The following SORD variants were observed in gnomAD, a reference collection of about 807,000 sequenced individuals.
The protein encoded by SORD is sorbitol dehydrogenase.
In SORD, 18 loss-of-function variants were observed where a neutral mutation model predicts 35.6. That is an observed-to-expected ratio of 0.51 (90% CI 0.35 to 0.75). SORD has a LOEUF of 0.75. Among genes scored for constraint, SORD ranks in the 30% least tolerant of loss-of-function variants. The pLI is 0.01. For synonymous variants in SORD, 106 were observed against 152.9 expected, an observed-to-expected ratio of 0.69 and a Z score of 2.26; for missense variants, 250 against 390.2, an observed-to-expected ratio of 0.64 and a Z score of 3.03.
chr15:45,060,848 A>G lies in SORD; in HGVS notation c.266-219A>G, dbSNP rs113674470. On this transcript the variant is annotated intron_variant, in intron 3 of 8. Coordinates refer to ENST00000267814, the MANE Select transcript of SORD (RefSeq NM_003104.6). ...CCAGAGTGACTCTGTGCTTCATCCCAAGTTTCCTCACTTGCCTAGGACACC... is the reference window on the plus strand; with the variant it reads ...CCAGAGTGACTCTGTGCTTCATCCCGAGTTTCCTCACTTGCCTAGGACACC... The G allele has an allele frequency of 4.6e-3, 4,149 of 902,860 alleles. 23 individuals carry two copies. Among genetic ancestry groups the G allele is most frequent in the African/African-American group, 0.03 (1,689 of 57,044 alleles). 55.9% of individuals were successfully genotyped at this position (902,860 alleles called of 1,614,324 possible).
At position 45,026,440 on chromosome 15, in the gene SORD, G is replaced by C. The variant is rs1205869723; in HGVS notation, c.66+3091G>C. On this transcript the variant is annotated intron_variant, in intron 1 of 8. Transcript: ENST00000267814. ...TACAAAAAAGATAAGAGGAAGTGGG[G>C]AGAATTTGACTGTTTTCTTCTTTTG... 3.3e-5 allele frequency among the ~76,000 whole-genome samples: 5 copies of C among 152,318 alleles called. No individual in the cohort carries two copies. The East Asian group carries it at 9.6e-4, about 29-fold the overall frequency.
chr15:45,056,142 C>T (rs1276322089), intron 3 of SORD, among the ~76,000 whole-genome samples: 1 of 149,896 alleles, frequency 6.7e-6, no homozygotes, highest in Non-Finnish European at 1.5e-5. Context: ...CTGGCCAGGG[C>T]AATTAGGCAG....
chr15:45,062,130 G>T (rs1273054308), intron 4 of SORD, among the ~76,000 whole-genome samples: 3 of 122,734 alleles, frequency 2.4e-5, no homozygotes, highest in Non-Finnish European at 4.5e-5. Flanking sequence ...CTAATAAGTG[G>T]TTTGCATGCT....
At chr15:45,031,634 A>C (rs1249650133) in intron 1 of SORD, among the ~76,000 whole-genome samples, 1 of 152,240 alleles carries the variant, frequency 6.6e-6, no homozygotes, top group African/African-American at 2.4e-5. Context: ...TTATAAAATT[A>C]ATTTTGGTGA....
At chr15:45,054,261 A>G (rs1473604294) in intron 3 of SORD, among the ~76,000 whole-genome samples, 2 of 152,156 alleles carry the variant, frequency 1.3e-5, no homozygotes, top group Non-Finnish European at 2.9e-5. Flanking sequence ...AGTCCCACCA[A>G]CAGTGTAAAA....
At chr15:45,027,843 G>C (rs1341423953) in intron 1 of SORD, among the ~76,000 whole-genome samples, 4 of 152,200 alleles carry the variant, frequency 2.6e-5, no homozygotes, top group Admixed American at 6.5e-5. Context: ...TACAATGTAG[G>C]GTTCACTCGA....
chr15:45,061,079 C>G lies in SORD; in HGVS notation c.278C>G (p.Ala93Gly). 1 of 1,614,154 alleles carries G rather than the reference C, an allele frequency of 6.2e-7. No homozygotes were observed. The highest frequency in any genetic ancestry group is 1.1e-5 in the South Asian group (1 of 91,076). Residue 93 changes from alanine (A) to glycine (G), a missense_variant, in exon 4 of 9, where the codon GCC becomes GGC. Coordinates refer to ENST00000267814, the MANE Select transcript of SORD (RefSeq NM_003104.6). ...VKHLKPGDRV[A>G]IEPGAPREND... ...TTTTCCTCTCCAGGTGATCGTGTTG[C>G]CATCGAGCCTGGTGCTCCCCGAGAA... is the stretch of plus-strand genomic sequence containing the variant.
At chr15:45,030,370 A>G (rs1892757899) in intron 1 of SORD, among the ~76,000 whole-genome samples, 1 of 152,282 alleles carries the variant, frequency 6.6e-6, no homozygotes, top group African/African-American at 2.4e-5. Context: ...GAGGAGAAAT[A>G]TGTACACGTA....
chr15:45,045,633 C>T (rs1246543597), intron 3 of SORD, among the ~76,000 whole-genome samples: 1 of 151,066 alleles, frequency 6.6e-6, no homozygotes, highest in African/African-American at 2.4e-5. Flanking sequence ...TAAGTCTGTG[C>T]TACTCAGAGC....
intron 1 of SORD, among the ~76,000 whole-genome samples, chr15:45,026,027 G>A (rs1892663009): frequency 6.6e-6 from 1 of 152,166 alleles, no homozygotes; most frequent in African/African-American, 2.4e-5. Context: ...ACACTGGAGG[G>A]GAAAGGGCAG....
At chr15:45,065,648 A>G (rs1040608919) in intron 5 of SORD, among the ~76,000 whole-genome samples, 15 of 152,228 alleles carry the variant, frequency 9.9e-5, no homozygotes, top group Admixed American at 2.0e-4. Context: ...GGCTGGGCAC[A>G]GTGGCTCCTG....
At chr15:45,036,194 A>C in intron 1 of SORD, 1 of 380,816 alleles carries the variant, frequency 2.6e-6, no homozygotes. Flanking sequence ...TAGGAACTGT[A>C]ACACTCAATG....
intron 6 of SORD, 137 bp from the exon 7 acceptor site, chr15:45,068,740 T>G: frequency 1.8e-6 from 2 of 1,091,850 alleles, no homozygotes; most frequent in Non-Finnish European, 2.5e-6. Context: ...GTATGTGTGT[T>G]GGGCTCAACA....
At chr15:45,050,107 G>A (rs1057230621) in intron 3 of SORD, among the ~76,000 whole-genome samples, 1 of 151,952 alleles carries the variant, frequency 6.6e-6, no homozygotes, top group African/African-American at 2.4e-5. Flanking sequence ...TTTTGAGACG[G>A]AGTCTCGCAC....
intron 1 of SORD, among the ~76,000 whole-genome samples, chr15:45,025,111 TCTGA>T (rs968928670): frequency 6.6e-6 from 1 of 152,212 alleles, no homozygotes; most frequent in Non-Finnish European, 1.5e-5. Flanking sequence ...GAACCCACTC[TCTGA>T]CTGGATTAGG....
rs1218935189 is a variant in SORD, at chr15:45,076,573, AC to A, written c.*3044del. The A allele has an allele frequency of 1.9e-4, 1 of 5,214 alleles. No individual in the cohort carries two copies. Among genetic ancestry groups the A allele is most frequent in the Admixed American group, 1.4e-3 (1 of 696 alleles). The allele number at this position is 5,214 out of a possible 1,614,324, so 0.3% of individuals were successfully genotyped here. ...TGATCAGAGCTCACTGCAATATCAA[AC>A]TCCTGGGTTCAAGTGATCCTCCTGT... On this transcript the variant is annotated 3_prime_UTR_variant, in exon 9 of 9. Transcript: ENST00000267814.
intron 1 of SORD, among the ~76,000 whole-genome samples, chr15:45,036,718 C>CA (rs1166451294): frequency 1.3e-5 from 2 of 151,070 alleles, no homozygotes; most frequent in Non-Finnish European, 2.9e-5. Context: ...TGATGAGTTA[C>CA]AAAAAATAAA....
intron 1 of SORD, among the ~76,000 whole-genome samples, chr15:45,030,067 A>G (rs72722065): frequency 0.21 from 31,169 of 150,618 alleles, 20 homozygotes; most frequent in African/African-American, 0.44. Context: ...ATCAGAGGAA[A>G]GCGTCCAAAC....
chr15:45,034,906 C>T (rs1194352470), intron 1 of SORD, among the ~76,000 whole-genome samples: 1 of 152,220 alleles, frequency 6.6e-6, no homozygotes, highest in Non-Finnish European at 1.5e-5. Flanking sequence ...TAGGCGTGGG[C>T]TTGGCGGGCC....
Sources: gnomAD v4.1 joint callset for allele counts (sites outside exome capture counted in the v4.1 genomes callset) on GRCh38, gnomAD v4.1.1 for gene constraint, MANE v1.5 for transcripts, NCBI Gene and HGNC (gene_info 2026-07-23, HGNC 2026-07-21) for gene names.